The following GRM7 variants were observed in gnomAD, a reference collection of about 807,000 sequenced individuals.
The protein encoded by GRM7 is glutamate metabotropic receptor 7.
GRM7 carries 35 observed loss-of-function variants against 84.5 expected under a neutral mutation model. The observed-to-expected ratio is 0.41, with a 90% CI of 0.32 to 0.55. The LOEUF (loss-of-function observed/expected upper bound fraction) is 0.55, where lower values mean the gene tolerates loss of function less well. GRM7 is among the 20% of genes least tolerant of loss of function. The pLI is 0.19. For missense variants in GRM7, 1,003 were observed against 1,194.6 expected (o/e 0.84, Z 2.36); for synonymous variants, 487 against 455.1 (o/e 1.07, Z -0.89).
intron 5 of GRM7, among the ~76,000 whole-genome samples, chr3:7,451,513 T>A (rs945521835): frequency 6.6e-6 from 1 of 152,066 alleles, no homozygotes. Flanking sequence ...GCAACAATAG[T>A]CACACCTATC....
chr3:7,015,205 C>A (rs572871357), intron 1 of GRM7, among the ~76,000 whole-genome samples: 1 of 151,672 alleles, frequency 6.6e-6, no homozygotes, highest in Non-Finnish European at 1.5e-5. Context: ...TGTTCTTTCA[C>A]AATAAGTCTT....
intron 2 of GRM7, among the ~76,000 whole-genome samples, chr3:7,289,286 A>G (rs115564039): frequency 0.018 from 2,679 of 152,308 alleles, 89 homozygotes; most frequent in African/African-American, 0.061. Context: ...TTGAGTAACC[A>G]GCTCATGACC....
At chr3:7,125,297 C>T (rs1371471282) in intron 1 of GRM7, among the ~76,000 whole-genome samples, 1 of 152,118 alleles carries the variant, frequency 6.6e-6, no homozygotes, top group East Asian at 1.9e-4. Context: ...TAGACTGAGG[C>T]AGGAGGATCA....
chr3:7,241,321 C>G (rs953794846), intron 2 of GRM7, among the ~76,000 whole-genome samples: 2 of 152,106 alleles, frequency 1.3e-5, no homozygotes, highest in African/African-American at 4.8e-5. Context: ...TGGTCACTGT[C>G]TGCGTTGTCA....
intron 5 of GRM7, among the ~76,000 whole-genome samples, chr3:7,436,618 C>G (rs978826): frequency 5.9e-5 from 9 of 152,010 alleles, no homozygotes; most frequent in African/African-American, 2.2e-4. Flanking sequence ...TGAATTCTGT[C>G]ATGCTCCTCT....
intron 4 of GRM7, among the ~76,000 whole-genome samples, chr3:7,383,218 T>C (rs186412454): frequency 1.1e-4 from 17 of 152,338 alleles, no homozygotes; most frequent in Admixed American, 1.0e-3. Flanking sequence ...ACAATAAATA[T>C]CTGGATCCCT....
intron 7 of GRM7, among the ~76,000 whole-genome samples, chr3:7,575,572 T>C (rs1005940957): frequency 5.9e-5 from 9 of 152,214 alleles, no homozygotes; most frequent in Admixed American, 3.3e-4. Context: ...GGTATAGATA[T>C]ATACAAATGA....
intron 1 of GRM7, among the ~76,000 whole-genome samples, chr3:6,872,196 G>T (rs550726678): frequency 6.6e-6 from 1 of 152,138 alleles, no homozygotes; most frequent in Admixed American, 6.5e-5. Context: ...ATGCTGTCCC[G>T]CCATCCTTAT....
intron 5 of GRM7, among the ~76,000 whole-genome samples, chr3:7,418,179 A>G (rs527355534): frequency 6.6e-5 from 10 of 152,294 alleles, no homozygotes; most frequent in African/African-American, 2.4e-4. Flanking sequence ...TAGTATTTCA[A>G]GAACATTTCC....
Position 6,913,524 on chromosome 3 carries a change from T to G in GRM7, c.519+51617T>G, listed in dbSNP as rs17046353. 8.3e-3 allele frequency among the ~76,000 whole-genome samples: 1,265 copies of G among 152,322 alleles called. 20 individuals carry two copies. Among genetic ancestry groups the G allele is most frequent in the African/African-American group, 0.028 (1,181 of 41,578 alleles). The stretch of plus-strand genomic sequence containing the variant: ...TTACCAGGGAACTTTGCCAATTTGA[T>G]GTACTCTATTCTTATCTTTTTCTAG... On this transcript the variant is annotated intron_variant, in intron 1 of 9. Coordinates refer to ENST00000357716, the MANE Select transcript of GRM7 (RefSeq NM_000844.4).
At chr3:7,438,291 G>C (rs1486176992) in intron 5 of GRM7, among the ~76,000 whole-genome samples, 3 of 152,022 alleles carry the variant, frequency 2.0e-5, no homozygotes, top group Non-Finnish European at 4.4e-5. Flanking sequence ...TGTGGAGATG[G>C]AGAGAAGGAG....
intron 1 of GRM7, among the ~76,000 whole-genome samples, chr3:6,946,858 G>T (rs1314664393): frequency 6.6e-6 from 1 of 152,152 alleles, no homozygotes; most frequent in Non-Finnish European, 1.5e-5. Flanking sequence ...CTGTTTGTCT[G>T]TTATTGCTGT....
chr3:7,415,809 CTCT>C (rs1696135665), intron 5 of GRM7, among the ~76,000 whole-genome samples: 1 of 152,112 alleles, frequency 6.6e-6, no homozygotes, highest in Admixed American at 6.6e-5. Context: ...AGAATCCTCC[CTCT>C]ATGTTGCCCA....
intron 4 of GRM7, among the ~76,000 whole-genome samples, chr3:7,332,761 C>T (rs1243534140): frequency 6.6e-6 from 1 of 152,292 alleles, no homozygotes; most frequent in African/African-American, 2.4e-5. Context: ...AAACAGCTTA[C>T]TGCTGCAAGC....
intron 1 of GRM7, among the ~76,000 whole-genome samples, chr3:7,072,070 G>A (rs76258436): frequency 0.041 from 6,170 of 151,974 alleles, 241 homozygotes; most frequent in African/African-American, 0.095. Context: ...TTATCTCTTA[G>A]CATTTCTCCC....
At chr3:7,454,875 C>T (rs1223619942) in intron 6 of GRM7, among the ~76,000 whole-genome samples, 2 of 152,074 alleles carry the variant, frequency 1.3e-5, no homozygotes, top group African/African-American at 4.8e-5. Context: ...GGCCTGAGAG[C>T]AATGGTACAC....
rs200034373 is a variant in GRM7, at chr3:7,286,983, GCA to G, written c.737-11698_737-11697del. 3.3e-5 allele frequency among the ~76,000 whole-genome samples: 5 copies of G among 152,238 alleles called. No homozygotes were observed. The East Asian group carries it at 9.7e-4, about 29-fold the overall frequency. ...TTAGATAGGACTTTGGCTTTATCAG[GCA>G]CAGTTTGGGGTAAATTACTTGGGCG... On this transcript the variant is annotated intron_variant, in intron 2 of 9. Coordinates refer to ENST00000357716, the MANE Select transcript of GRM7 (RefSeq NM_000844.4).
chr3:6,869,254 A>C (rs1224860882), intron 1 of GRM7, among the ~76,000 whole-genome samples: 6 of 152,148 alleles, frequency 3.9e-5, no homozygotes, highest in Non-Finnish European at 8.8e-5. Flanking sequence ...GACGTTGATC[A>C]AAAAGGTACC....
chr3:6,904,910 A>T (rs1696513914), intron 1 of GRM7, among the ~76,000 whole-genome samples: 1 of 152,024 alleles, frequency 6.6e-6, no homozygotes, highest in Non-Finnish European at 1.5e-5. Context: ...TTCTGTAGAG[A>T]CTGGGTCTTG....
Sources: gnomAD v4.1 joint callset for allele counts (sites outside exome capture counted in the v4.1 genomes callset) on GRCh38, gnomAD v4.1.1 for gene constraint, MANE v1.5 for transcripts, NCBI Gene and HGNC (gene_info 2026-07-23, HGNC 2026-07-21) for gene names.